Variants in CPED1 observed in about 807,000 individuals in gnomAD.
CPED1 encodes the protein cadherin-like and PC-esterase domain-containing protein 1.
CPED1 carries 114 observed loss-of-function variants against 128.2 expected under a neutral mutation model. That is an observed-to-expected ratio of 0.89 (90% CI 0.76 to 1.04). The LOEUF is 1.04. CPED1 is among the 50% of genes least tolerant of loss of function. CPED1 has a pLI of 0.00. For synonymous variants in CPED1, 462 were observed against 426.7 expected, an observed-to-expected ratio of 1.08 and a Z score of -1.02; for missense variants, 1,211 against 1,207.1, an observed-to-expected ratio of 1.00 and a Z score of -0.05.
At chr7:121,229,068 A>G (rs1798081449) in intron 16 of CPED1, among the ~76,000 whole-genome samples, 1 of 151,954 alleles carries the variant, frequency 6.6e-6, no homozygotes, top group East Asian at 1.9e-4. Flanking sequence ...TCAATGTTTG[A>G]TATCAGAGTA....
At chr7:121,244,482 G>T (rs1798478464) in intron 18 of CPED1, 144 bp downstream of exon 18, 1 of 788,558 alleles carries the variant, frequency 1.3e-6, no homozygotes, top group South Asian at 1.8e-5. Flanking sequence ...TTTGAATCAT[G>T]TATAGATGTT....
At chr7:121,104,689 T>A (rs1378198292) in intron 7 of CPED1, among the ~76,000 whole-genome samples, 1 of 152,140 alleles carries the variant, frequency 6.6e-6, no homozygotes, top group Non-Finnish European at 1.5e-5. Context: ...TATTCCATAT[T>A]TGACATCAGA....
rs543451725 is a variant in CPED1, at chr7:121,172,261, A to G, written c.2055+30120A>G. On this transcript the variant is annotated intron_variant, in intron 16 of 22. Coordinates refer to ENST00000310396, the MANE Select transcript of CPED1 (RefSeq NM_024913.5). ...GAGAGACATATATTTATAGTATTAC[A>G]GATAAATGATGATTTTTCTATAAAA... Among the ~76,000 whole-genome samples the G allele has an allele frequency of 6.0e-4, 91 of 152,330 alleles. 1 individual carries two copies. The highest frequency in any genetic ancestry group is 2.0e-3 in the African/African-American group (85 of 41,570).
At chr7:121,237,758 C>T (rs1359578215) in intron 17 of CPED1, among the ~76,000 whole-genome samples, 1 of 152,146 alleles carries the variant, frequency 6.6e-6, no homozygotes, top group Non-Finnish European at 1.5e-5. Flanking sequence ...CCATGAACTT[C>T]ACACCACAGC....
intron 5 of CPED1, among the ~76,000 whole-genome samples, chr7:121,075,519 G>A (rs1257134782): frequency 6.6e-6 from 1 of 152,036 alleles, no homozygotes; most frequent in Non-Finnish European, 1.5e-5. Flanking sequence ...CCAGGCTGGA[G>A]TGCAGTGGCG....
At chr7:121,289,465 A>G (rs1792647610) in intron 22 of CPED1, among the ~76,000 whole-genome samples, 1 of 152,184 alleles carries the variant, frequency 6.6e-6, no homozygotes, top group Non-Finnish European at 1.5e-5. Flanking sequence ...TTTGGTATAG[A>G]TCTTTACAGA....
intron 1 of CPED1, 155 bp from the exon 2 acceptor site, chr7:120,989,236 C>G (rs1796269480): frequency 4.9e-6 from 1 of 202,104 alleles, no homozygotes; most frequent in African/African-American, 2.4e-5. Flanking sequence ...ATTGTTTTCT[C>G]TCTTCCTGCA....
chr7:121,040,446 G>A (rs1028010826), intron 3 of CPED1, among the ~76,000 whole-genome samples: 10 of 151,988 alleles, frequency 6.6e-5, no homozygotes, highest in Admixed American at 2.0e-4. Context: ...GTAAGGAATT[G>A]GTTAATGCAA....
At chr7:121,107,015 A>T (rs1475585302) in intron 7 of CPED1, among the ~76,000 whole-genome samples, 2 of 152,074 alleles carry the variant, frequency 1.3e-5, no homozygotes, top group African/African-American at 2.4e-5. Context: ...TTAATTTTTT[A>T]GTTTCTTATT....
intron 16 of CPED1, among the ~76,000 whole-genome samples, chr7:121,186,206 T>C (rs897426015): frequency 4.6e-5 from 7 of 152,210 alleles, no homozygotes; most frequent in Non-Finnish European, 1.0e-4. Flanking sequence ...GTCCATACTT[T>C]TATCACAGCC....
intron 16 of CPED1, among the ~76,000 whole-genome samples, chr7:121,196,039 A>G (rs1482108483): frequency 6.6e-6 from 1 of 151,948 alleles, no homozygotes; most frequent in Non-Finnish European, 1.5e-5. Context: ...CTGCTGCTTG[A>G]GGAGGCCAAA....
At chr7:121,223,712 T>C (rs1488847145) in intron 16 of CPED1, among the ~76,000 whole-genome samples, 1 of 152,192 alleles carries the variant, frequency 6.6e-6, no homozygotes, top group Non-Finnish European at 1.5e-5. Flanking sequence ...CAGGAATTTA[T>C]CTGTTTCTTC....
chr7:121,237,645 G>A (rs1798288768), intron 17 of CPED1, among the ~76,000 whole-genome samples: 1 of 152,114 alleles, frequency 6.6e-6, no homozygotes, highest in African/African-American at 2.4e-5. Context: ...GGAACAGAGA[G>A]CATCTTCTCC....
intron 3 of CPED1, among the ~76,000 whole-genome samples, chr7:121,023,859 A>G (rs1035774681): frequency 6.6e-6 from 1 of 152,154 alleles, no homozygotes; most frequent in Non-Finnish European, 1.5e-5. Context: ...CAGGAAGACA[A>G]AAGAGTAAAG....
Position 121,138,712 on chromosome 7 carries a change from A to G in CPED1, c.1700-2115A>G, listed in dbSNP as rs186941476. Among the ~76,000 whole-genome samples the G allele has an allele frequency of 1.3e-4, 20 of 152,166 alleles. No individual in the cohort carries two copies. In the East Asian group the frequency reaches 3.9e-3, roughly 30 times the overall value. ...TCTATCAAGTTAAAGCACATCTTCT[A>G]TGTTTTATTTTGAAAAAAGATCTTC... On this transcript the variant is annotated intron_variant, in intron 14 of 22. Coordinates refer to ENST00000310396, the MANE Select transcript of CPED1 (RefSeq NM_024913.5).
At chr7:121,140,695 T>C (rs979280666) in intron 14 of CPED1, 132 bp from the exon 15 acceptor site, 1 of 638,752 alleles carries the variant, frequency 1.6e-6, no homozygotes, top group Non-Finnish European at 2.6e-6. Flanking sequence ...ATCAGGGTAC[T>C]GATTGGAAAG....
At chr7:121,293,100 T>A (rs889442291) in intron 22 of CPED1, among the ~76,000 whole-genome samples, 3 of 152,160 alleles carry the variant, frequency 2.0e-5, no homozygotes, top group African/African-American at 7.2e-5. Flanking sequence ...AACGTTTAAG[T>A]CTGCTGAAGC....
intron 7 of CPED1, among the ~76,000 whole-genome samples, 196 bp downstream of exon 7, chr7:121,100,290 A>G (rs1366489133): frequency 6.6e-6 from 1 of 152,226 alleles, no homozygotes; most frequent in Non-Finnish European, 1.5e-5. Flanking sequence ...TTAATTCACT[A>G]GGGATCACAA....
rs756904152 is a variant in CPED1 at position 121,141,986 on chromosome 7, C to T, written c.1900C>T (p.Pro634Ser). The change falls in exon 16 of 23, where the codon CCT becomes TCT. Residue 634 changes from proline (P) to serine (S), a missense_variant. Physicochemically the swap from Pro to Ser is moderately conservative, Grantham distance 74. Coordinates refer to ENST00000310396, the MANE Select transcript of CPED1 (RefSeq NM_024913.5). ...CTTTCTCTCCAGCTTTGCCAGCTACCCTCTGGGCTTAGGAATGAACAAAAT... is the reference window on the plus strand; with the variant it reads ...CTTTCTCTCCAGCTTTGCCAGCTACTCTCTGGGCTTAGGAATGAACAAAAT... ...EQAGPSFASY[P>S]LGLGMNKISI... 1.2e-6 allele frequency: 2 copies of T among 1,611,796 alleles called. No homozygotes were observed. The highest frequency in any genetic ancestry group is 3.3e-5 in the Admixed American group (2 of 59,844).
Sources: allele counts gnomAD v4.1 joint callset (sites outside exome capture counted in the v4.1 genomes callset), GRCh38; gene constraint gnomAD v4.1.1; transcripts MANE v1.5; gene names NCBI Gene and HGNC (gene_info 2026-07-23, HGNC 2026-07-21).